Variants in DYM observed in about 807,000 individuals in gnomAD.
DYM encodes the protein dymeclin, also known as dyggve-Melchior-Clausen syndrome protein.
A neutral mutation model predicts 93.1 loss-of-function variants in DYM; 78 were observed. The ratio of observed to expected loss-of-function variants is 0.84; its 90% CI spans 0.70 to 1.01. The LOEUF (loss-of-function observed/expected upper bound fraction) is 1.01. DYM is among the 50% of genes least tolerant of loss of function. DYM has a pLI of 0.00. For synonymous variants in DYM, 321 were observed against 319.7 expected, an observed-to-expected ratio of 1.00 and a Z score of -0.04; for missense variants, 789 against 845.0, an observed-to-expected ratio of 0.93 and a Z score of 0.82.
At chr18:49,334,618 C>T (rs377573565) in intron 6 of DYM, among the ~76,000 whole-genome samples, 12 of 151,906 alleles carry the variant, frequency 7.9e-5, no homozygotes, top group South Asian at 2.1e-4. Context: ...ACCTCAACAA[C>T]GCAGTAAAAA....
chr18:49,343,919 G>A (rs1029528233), intron 6 of DYM, among the ~76,000 whole-genome samples: 7 of 149,472 alleles, frequency 4.7e-5, no homozygotes, highest in African/African-American at 7.4e-5. Context: ...ACAGGCTTGG[G>A]CAACATACAA....
chr18:49,232,755 C>T (rs546565795), intron 13 of DYM, among the ~76,000 whole-genome samples: 10 of 151,746 alleles, frequency 6.6e-5, no homozygotes, highest in South Asian at 2.1e-4. Context: ...ATTACAGATG[C>T]GCGCCACCAC....
At chr18:49,368,191 G>A (rs1387220646) in intron 5 of DYM, among the ~76,000 whole-genome samples, 1 of 152,124 alleles carries the variant, frequency 6.6e-6, no homozygotes, top group Admixed American at 6.5e-5. Context: ...AAACAGAAAT[G>A]TTTCTAATTA....
intron 15 of DYM, among the ~76,000 whole-genome samples, chr18:49,138,116 A>G (rs2084052633): frequency 6.6e-6 from 1 of 152,196 alleles, no homozygotes; most frequent in Non-Finnish European, 1.5e-5. Flanking sequence ...TATGTGATTT[A>G]TATATAAGAA....
intron 16 of DYM, among the ~76,000 whole-genome samples, chr18:49,112,254 G>T (rs192541059): frequency 2.0e-5 from 3 of 151,972 alleles, no homozygotes; most frequent in African/African-American, 7.2e-5. Flanking sequence ...GAGGCTCTCT[G>T]GCTTCCTGCT....
At chr18:49,242,711 G>GTTTTTTTTTTTTTTTT (rs1435131815) in intron 13 of DYM, among the ~76,000 whole-genome samples, 2 of 152,118 alleles carry the variant, frequency 1.3e-5, no homozygotes, top group Non-Finnish European at 2.9e-5. Context: ...GTTTGTTTTT[G>GTTTTTTTTTTTTTTTT]TTTTTTGAGA....
intron 17 of DYM, among the ~76,000 whole-genome samples, chr18:49,092,705 T>G (rs560073202): frequency 2.6e-5 from 4 of 152,144 alleles, no homozygotes; most frequent in African/African-American, 9.7e-5. Context: ...ATGATGATGA[T>G]GATGCAAATT....
At chr18:49,258,667 T>C (rs368925050) in intron 11 of DYM, among the ~76,000 whole-genome samples, 174 bp from the exon 12 acceptor site, 1 of 152,108 alleles carries the variant, frequency 6.6e-6, no homozygotes, top group East Asian at 1.9e-4. Flanking sequence ...TCCAGTGCTC[T>C]GCCATGGCTG....
chr18:49,121,194 A>G (rs917132949), intron 15 of DYM, among the ~76,000 whole-genome samples: 4 of 152,246 alleles, frequency 2.6e-5, no homozygotes, highest in African/African-American at 7.2e-5. Flanking sequence ...GTTAAAAACT[A>G]TAAGAAAGAG....
chr18:49,257,228 T>C, intron 12 of DYM, 124 bp from the exon 13 acceptor site: 1 of 758,880 alleles, frequency 1.3e-6, no homozygotes, highest in Non-Finnish European at 2.3e-6. Context: ...TCAGATCCAC[T>C]ATCTCTTTTT....
chr18:49,055,894 G>A (rs1421111152), intron 17 of DYM, among the ~76,000 whole-genome samples: 1 of 152,226 alleles, frequency 6.6e-6, no homozygotes, highest in African/African-American at 2.4e-5. Context: ...AATATCCTGG[G>A]AGGGCTCACA....
chr18:49,322,231 G>T (rs530298943), intron 8 of DYM, among the ~76,000 whole-genome samples: 1 of 152,110 alleles, frequency 6.6e-6, no homozygotes, highest in Admixed American at 6.5e-5. Flanking sequence ...TTTTTTGGAT[G>T]GCTCATTCAA....
Position 49,036,946 on chromosome 18 carries a change from G to T in DYM, c.*7109C>A, listed in dbSNP as rs184816198. Reference sequence around the variant, plus strand: ...GGACGGAGTCTCGCTCTGTTGCCCAGGCTGGAGTGCAGTGGCACAATCTCT... The same window carrying T: ...GGACGGAGTCTCGCTCTGTTGCCCATGCTGGAGTGCAGTGGCACAATCTCT... On this transcript the variant is annotated 3_prime_UTR_variant, in exon 18 of 18. Coordinates refer to ENST00000675505, the MANE Select transcript of DYM (RefSeq NM_001353214.3). 1.3e-5 allele frequency among the ~76,000 whole-genome samples: 2 copies of T among 152,158 alleles called. No individual in the cohort carries two copies. The highest frequency in any genetic ancestry group is 3.9e-4 in the East Asian group (2 of 5,184).
intron 1 of DYM, among the ~76,000 whole-genome samples, chr18:49,437,104 T>C (rs941302471): frequency 5.9e-5 from 9 of 152,212 alleles, no homozygotes; most frequent in Non-Finnish European, 1.3e-4. Context: ...GTAATATTCA[T>C]GGTACAAAAT....
chr18:49,153,028 C>T (rs1235642352), intron 15 of DYM, among the ~76,000 whole-genome samples: 1 of 152,072 alleles, frequency 6.6e-6, no homozygotes, highest in African/African-American at 2.4e-5. Flanking sequence ...GTTCTGTGGA[C>T]CCAGTGTATA....
At chr18:49,165,717 TACTG>T (rs2087781298) in intron 14 of DYM, among the ~76,000 whole-genome samples, 1 of 152,164 alleles carries the variant, frequency 6.6e-6, no homozygotes, top group African/African-American at 2.4e-5. Context: ...ATGAAGTAAT[TACTG>T]AATGAATAAG....
intron 15 of DYM, among the ~76,000 whole-genome samples, chr18:49,123,961 G>C (rs1286544550): frequency 6.6e-6 from 1 of 152,136 alleles, no homozygotes; most frequent in African/African-American, 2.4e-5. Flanking sequence ...TTATGTTCAT[G>C]TATATTTTAT....
intron 9 of DYM, among the ~76,000 whole-genome samples, chr18:49,285,390 G>C (rs79059482): frequency 3.3e-5 from 5 of 152,286 alleles, no homozygotes; most frequent in Admixed American, 2.0e-4. Flanking sequence ...CATTACATTA[G>C]TGTTCAAAAT....
chr18:49,217,125 A>G lies in DYM; in HGVS notation c.1461-7410T>C, dbSNP rs527290045. ...GAAGAATGCAGAAGCCTCAGGAGCCAATGCGATCAACTGGAAGAAAGGGTA... is the reference window on the plus strand; with the variant it reads ...GAAGAATGCAGAAGCCTCAGGAGCCGATGCGATCAACTGGAAGAAAGGGTA... On this transcript the variant is annotated intron_variant, in intron 13 of 17. Coordinates refer to ENST00000675505, the MANE Select transcript of DYM (RefSeq NM_001353214.3). 6.6e-5 allele frequency among the ~76,000 whole-genome samples: 10 copies of G among 152,356 alleles called. No individual in the cohort carries two copies. In the South Asian group the frequency reaches 1.0e-3, roughly 16 times the overall value.
Sources: allele counts gnomAD v4.1 joint callset (sites outside exome capture counted in the v4.1 genomes callset), GRCh38; gene constraint gnomAD v4.1.1; transcripts MANE v1.5; gene names NCBI Gene and HGNC (gene_info 2026-07-23, HGNC 2026-07-21).